FNBP1: variants seen among roughly 807,000 people sequenced by gnomAD.
FNBP1 encodes formin binding protein 1.
A neutral mutation model predicts 90.6 loss-of-function variants in FNBP1; 26 were observed. The observed-to-expected ratio is 0.29, with a 90% CI of 0.21 to 0.40. The LOEUF (loss-of-function observed/expected upper bound fraction) is 0.40. Among genes scored for constraint, FNBP1 ranks in the 10% least tolerant of loss-of-function variants. The probability of loss-of-function intolerance (pLI) is 1.00; values close to 1 mark genes in which losing one functional copy is unlikely to be tolerated. For synonymous variants in FNBP1, 260 were observed against 265.2 expected (o/e 0.98, Z 0.19); for missense variants, 635 against 768.0 (o/e 0.83, Z 2.05).
intron 7 of FNBP1, 136 bp from the exon 8 acceptor site, chr9:129,927,477 C>G (rs1213537585): frequency 4.2e-6 from 3 of 721,394 alleles, no homozygotes; most frequent in Middle Eastern, 2.7e-4. Context: ...TCTAAGTACA[C>G]GGAGCCTCCA....
intron 12 of FNBP1, among the ~76,000 whole-genome samples, chr9:129,903,397 A>G (rs1200977574): frequency 1.3e-5 from 2 of 152,146 alleles, no homozygotes; most frequent in African/African-American, 2.4e-5. Flanking sequence ...TTTGAAAGCC[A>G]TATGAATGGA....
intron 4 of FNBP1, among the ~76,000 whole-genome samples, chr9:129,964,678 C>G (rs546774080): frequency 1.1e-4 from 17 of 151,178 alleles, no homozygotes; most frequent in African/African-American, 3.9e-4. Context: ...GCTTTTGAGA[C>G]AATTTTACTG....
intron 6 of FNBP1, among the ~76,000 whole-genome samples, chr9:129,930,596 ATTTG>A (rs1372100834): frequency 2.6e-5 from 4 of 152,180 alleles, no homozygotes; most frequent in East Asian, 1.9e-4. Context: ...TAATTTACAC[ATTTG>A]TTTTTCTCTA....
At chr9:130,048,224 G>T in the FNBP1 span, among the ~76,000 whole-genome samples, 79 of 146,812 alleles carry the variant, frequency 5.4e-4, 1 homozygote, top group Admixed American at 5.6e-3. Flanking sequence ...GCTGAGGCAG[G>T]AGAATCGCTT....
intron 4 of FNBP1, among the ~76,000 whole-genome samples, chr9:129,972,951 A>T (rs747938056): frequency 6.6e-6 from 1 of 152,184 alleles, no homozygotes; most frequent in Non-Finnish European, 1.5e-5. Flanking sequence ...TTGTGCTGGG[A>T]GGTTCATATT....
At chr9:129,911,597 T>A (rs932444510) in intron 11 of FNBP1, among the ~76,000 whole-genome samples, 4 of 152,072 alleles carry the variant, frequency 2.6e-5, no homozygotes, top group Admixed American at 6.6e-5. Context: ...GCCCTAAGCA[T>A]CTCTTCATCT....
chr9:130,030,085 T>C (rs1258018417), intron 1 of FNBP1, among the ~76,000 whole-genome samples: 2 of 152,146 alleles, frequency 1.3e-5, no homozygotes, highest in Non-Finnish European at 2.9e-5. Context: ...GCATTCAATC[T>C]GGGTACCTGA....
chr9:130,022,329 T>C (rs1005294890), intron 1 of FNBP1, among the ~76,000 whole-genome samples: 10 of 151,940 alleles, frequency 6.6e-5, no homozygotes, highest in Non-Finnish European at 4.4e-5. Flanking sequence ...CTCAGCCTCC[T>C]GAGTAGCTGG....
chr9:129,968,000 CG>C (rs986108905), intron 4 of FNBP1, among the ~76,000 whole-genome samples: 6 of 146,576 alleles, frequency 4.1e-5, no homozygotes, highest in African/African-American at 7.5e-5. Flanking sequence ...TTTTTTTTGG[CG>C]GGGGGGTCAC....
chr9:129,916,282 T>C (rs2040241357), intron 10 of FNBP1: 1 of 346,944 alleles, frequency 2.9e-6, no homozygotes, highest in Non-Finnish European at 5.3e-6. Context: ...TAGATGTAAA[T>C]TAAAGTAAGC....
chr9:129,961,881 C>T (rs1484706615), intron 4 of FNBP1, among the ~76,000 whole-genome samples: 3 of 152,188 alleles, frequency 2.0e-5, no homozygotes, highest in Non-Finnish European at 4.4e-5. Flanking sequence ...CCACCGTGCC[C>T]GGCCCCTAAA....
At chr9:129,953,184 T>A (rs935263907) in intron 6 of FNBP1, among the ~76,000 whole-genome samples, 6 of 152,142 alleles carry the variant, frequency 3.9e-5, no homozygotes, top group Admixed American at 2.0e-4. Flanking sequence ...AGGACCATAA[T>A]GCAATTTAGT....
chr9:130,033,846 CA>C (rs36040639), intron 1 of FNBP1, among the ~76,000 whole-genome samples: 42,148 of 103,616 alleles, frequency 0.41, 7,725 homozygotes, highest in Non-Finnish European at 0.42. Context: ...ACTAAAAATA[CA>C]AAAAAAAAAA....
chr9:130,024,512 A>T (rs77962633), intron 1 of FNBP1, among the ~76,000 whole-genome samples: 4,510 of 152,246 alleles, frequency 0.03, 84 homozygotes, highest in Non-Finnish European at 0.043. Flanking sequence ...TCATGCAACT[A>T]ACATTTTACA....
chr9:129,893,788 C>CGGGT (rs1413821664), intron 16 of FNBP1, among the ~76,000 whole-genome samples: 1 of 151,360 alleles, frequency 6.6e-6, no homozygotes, highest in Non-Finnish European at 1.5e-5. Context: ...TGGTGGCACA[C>CGGGT]GCCTGTAGTC....
chr9:129,931,747 G>A (rs1164871711), intron 6 of FNBP1, among the ~76,000 whole-genome samples: 1 of 151,926 alleles, frequency 6.6e-6, no homozygotes, highest in Admixed American at 6.6e-5. Context: ...ACAGTAAGCT[G>A]TGACTGCGCC....
upstream of FNBP1, among the ~76,000 whole-genome samples, chr9:130,044,484 C>G (rs952472511): frequency 1.3e-5 from 2 of 151,000 alleles, no homozygotes; most frequent in Non-Finnish European, 2.9e-5. Flanking sequence ...AAAAAGTTAG[C>G]TGGGCATGGT....
At position 130,020,216 on chromosome 9, in the gene FNBP1, C is replaced by T. The variant is rs1018007656; in HGVS notation, c.24+22736G>A. ...GAATGGTCTTTTGACTTTTCTTTTTCGTTTCTTTTGAGATGGAGTCTAGCT... is the reference window on the plus strand; with the variant it reads ...GAATGGTCTTTTGACTTTTCTTTTTTGTTTCTTTTGAGATGGAGTCTAGCT... On this transcript the variant is annotated intron_variant, in intron 1 of 16. Coordinates refer to ENST00000446176, the MANE Select transcript of FNBP1 (RefSeq NM_015033.3). Among the ~76,000 whole-genome samples the T allele has an allele frequency of 9.2e-5, 14 of 152,078 alleles. 1 individual carries two copies. Among genetic ancestry groups the T allele is most frequent in the Admixed American group, 6.6e-4 (10 of 15,250 alleles).
chr9:129,979,680 C>A (rs1044956514), intron 2 of FNBP1, among the ~76,000 whole-genome samples: 4 of 152,014 alleles, frequency 2.6e-5, no homozygotes, highest in African/African-American at 9.7e-5. Flanking sequence ...CATTCTGTTG[C>A]CCAGGCTGGA....
Sources: allele counts gnomAD v4.1 joint callset (sites outside exome capture counted in the v4.1 genomes callset), GRCh38; gene constraint gnomAD v4.1.1; transcripts MANE v1.5; gene names NCBI Gene and HGNC (gene_info 2026-07-23, HGNC 2026-07-21).